TRUB1: variants seen among roughly 807,000 people sequenced by gnomAD.
TRUB1 encodes pseudouridylate synthase TRUB1.
Under a neutral mutation model 33.9 loss-of-function variants are expected in TRUB1, and 23 were observed. The observed-to-expected ratio is 0.68, with a 90% CI of 0.49 to 0.96. The LOEUF (loss-of-function observed/expected upper bound fraction) is 0.96, where lower values mean the gene tolerates loss of function less well. Ranked by LOEUF, TRUB1 falls within the 40% of genes least tolerant of loss-of-function variation. The pLI, the probability that TRUB1 is intolerant of heterozygous loss-of-function variation, is 0.00. For missense variants in TRUB1, 378 were observed against 422.2 expected (o/e 0.90, Z 0.92); for synonymous variants, 163 against 165.4 (o/e 0.99, Z 0.11).
chr10:114,964,711 G>A (rs2084299127), intron 4 of TRUB1, among the ~76,000 whole-genome samples: 1 of 151,982 alleles, frequency 6.6e-6, no homozygotes, highest in Admixed American at 6.6e-5. Context: ...ATGTCCAGTT[G>A]CTTCAGCACT....
chr10:114,946,442 A>G (rs1012635414), intron 2 of TRUB1, among the ~76,000 whole-genome samples: 3 of 151,846 alleles, frequency 2.0e-5, no homozygotes, highest in Non-Finnish European at 2.9e-5. Context: ...CCCAAATTCA[A>G]CTGATTCTCC....
intron 2 of TRUB1, among the ~76,000 whole-genome samples, chr10:114,947,180 CA>C (rs201535527): frequency 1.1e-3 from 148 of 135,516 alleles, no homozygotes; most frequent in East Asian, 2.1e-3. Flanking sequence ...CTGGAGGAGG[CA>C]AAAAAAAAAA....
chr10:114,968,235 T>A (rs1042192387), intron 4 of TRUB1, among the ~76,000 whole-genome samples: 3 of 152,160 alleles, frequency 2.0e-5, no homozygotes, highest in South Asian at 4.1e-4. Flanking sequence ...ATGGCAGAAG[T>A]AGAATGAGAA....
At chr10:114,974,985 T>A in intron 7 of TRUB1, 138 bp from the exon 8 acceptor site, 1 of 962,486 alleles carries the variant, frequency 1.0e-6, no homozygotes, top group Non-Finnish European at 1.5e-6. Context: ...TGAGGCCTCT[T>A]GGTTCTTATA....
chr10:114,964,797 T>C (rs1396862635), intron 4 of TRUB1, among the ~76,000 whole-genome samples: 1 of 152,120 alleles, frequency 6.6e-6, no homozygotes, highest in Admixed American at 6.5e-5. Context: ...AAAAAATCTA[T>C]TTTTTTACAT....
At chr10:114,972,081 C>T in intron 5 of TRUB1, 54 bp from the exon 6 acceptor site, 1 of 1,593,194 alleles carries the variant, frequency 6.3e-7, no homozygotes, top group Non-Finnish European at 8.6e-7. Context: ...CTTCCAAATC[C>T]CTCTCAATTC....
chr10:114,957,327 C>T (rs1293834145), intron 3 of TRUB1, among the ~76,000 whole-genome samples: 1 of 152,250 alleles, frequency 6.6e-6, no homozygotes, highest in East Asian at 1.9e-4. Flanking sequence ...TCTGTTGTTG[C>T]CATTATATCC....
rs754495823 is a variant in TRUB1 at position 114,975,095 on chromosome 10, A to AT, written c.794-20dup. On this transcript the variant is annotated intron_variant, in intron 7 of 7. Transcript: ENST00000298746. Reference sequence around the variant, plus strand: ...AAATACTGAATCGTTTATCTTCTGGATTTTTTTTCTACCTTTTGTTGCCAT... The same window carrying AT: ...AAATACTGAATCGTTTATCTTCTGGATTTTTTTTTCTACCTTTTGTTGCCAT... The AT allele has an allele frequency of 2.7e-5, 43 of 1,585,078 alleles. No homozygotes were observed. In the Admixed American group the frequency reaches 4.6e-4, roughly 17 times the overall value.
chr10:114,960,008 C>T (rs2084278637), intron 4 of TRUB1: 1 of 519,942 alleles, frequency 1.9e-6, no homozygotes, highest in African/African-American at 2.0e-5. Context: ...TTGTGATTGC[C>T]TCTTTTTCTA....
At chr10:114,946,132 T>TA (rs2084210144) in intron 2 of TRUB1, among the ~76,000 whole-genome samples, 1 of 152,170 alleles carries the variant, frequency 6.6e-6, no homozygotes, top group Non-Finnish European at 1.5e-5. Context: ...ATACTTCGGT[T>TA]TGTACACTGG....
At chr10:114,959,663 G>T in intron 3 of TRUB1, 63 bp from the exon 4 acceptor site, 1 of 1,025,486 alleles carries the variant, frequency 9.8e-7, no homozygotes, top group South Asian at 1.3e-5. Flanking sequence ...TAAACTTCAA[G>T]ACATGCATAA....
chr10:114,962,762 T>C (rs1470746514), intron 4 of TRUB1, among the ~76,000 whole-genome samples: 16 of 152,194 alleles, frequency 1.1e-4, no homozygotes, highest in Admixed American at 1.0e-3. Context: ...ATTTCAGCCA[T>C]GAGGCTGAAA....
chr10:114,970,245 C>A, intron 4 of TRUB1, 123 bp from the exon 5 acceptor site: 2 of 621,590 alleles, frequency 3.2e-6, no homozygotes, highest in Non-Finnish European at 2.8e-6. Flanking sequence ...GGCTATAAAA[C>A]ATATACTGTA....
intron 6 of TRUB1, among the ~76,000 whole-genome samples, chr10:114,973,702 T>G (rs1374333572): frequency 6.6e-6 from 1 of 152,212 alleles, no homozygotes; most frequent in Non-Finnish European, 1.5e-5. Flanking sequence ...GATATTTAGA[T>G]TTACATTCAG....
At chr10:114,974,761 C>T (rs1462850239) in intron 7 of TRUB1, among the ~76,000 whole-genome samples, 4 of 152,006 alleles carry the variant, frequency 2.6e-5, no homozygotes, top group Admixed American at 6.6e-5. Flanking sequence ...TTATAAACAG[C>T]CAGAAGGTTT....
chr10:114,951,661 A>G (rs972523419), intron 3 of TRUB1, among the ~76,000 whole-genome samples: 1 of 152,214 alleles, frequency 6.6e-6, no homozygotes, highest in Admixed American at 6.5e-5. Context: ...ACTTGATAGA[A>G]GAGAGAAGGG....
chr10:114,939,428 G>A (rs374875006), intron 1 of TRUB1, among the ~76,000 whole-genome samples: 6 of 152,284 alleles, frequency 3.9e-5, no homozygotes, highest in Admixed American at 2.0e-4. Context: ...AAACTAGTTA[G>A]TTAGGTTATT....
intron 2 of TRUB1, among the ~76,000 whole-genome samples, chr10:114,943,527 C>G (rs1014183079): frequency 8.1e-6 from 1 of 123,110 alleles, no homozygotes; most frequent in Non-Finnish European, 1.6e-5. Context: ...GAGACTGTCT[C>G]AAAACAAAAC....
chr10:114,955,311 G>A (rs1419114111), intron 3 of TRUB1, among the ~76,000 whole-genome samples: 1 of 152,228 alleles, frequency 6.6e-6, no homozygotes, highest in Non-Finnish European at 1.5e-5. Flanking sequence ...TACTTTGAAG[G>A]AACAGACAGA....
Sources: allele counts gnomAD v4.1 joint callset (sites outside exome capture counted in the v4.1 genomes callset), GRCh38; gene constraint gnomAD v4.1.1; transcripts MANE v1.5; gene names NCBI Gene and HGNC (gene_info 2026-07-23, HGNC 2026-07-21).